The following SMIM28 variants were observed in gnomAD, a reference collection of about 807,000 sequenced individuals.
SMIM28 encodes small integral membrane protein 28.
At position 138,382,667 on chromosome 6, in the gene SMIM28, C is replaced by A; in HGVS notation, c.279C>A (p.His93Gln). 1 of 398,674 alleles carries A rather than the reference C, an allele frequency of 2.5e-6. No individual in the cohort carries two copies. The highest frequency in any genetic ancestry group is 4.4e-6 in the Non-Finnish European group (1 of 226,192). 24.7% of individuals were successfully genotyped at this position (398,674 alleles called of 1,614,324 possible). A position where few individuals can be genotyped will look rare whatever the true frequency, so the allele number is the denominator to read the frequency against. Residue 93 changes from histidine to glutamine, a missense_variant, in exon 2 of 2, where the codon CAC (histidine) becomes CAA (glutamine). Transcript: ENST00000573100. Reference sequence around the variant, plus strand: ...TGTTCAGCATTGACCTACCAGAGCACCCACCTGCAGGAGAGGTGACAGACC... The same window carrying A: ...TGTTCAGCATTGACCTACCAGAGCAACCACCTGCAGGAGAGGTGACAGACC... ...GQVFSIDLPE[H>Q]PPAGEVTDLL...
intron 1 of SMIM28, among the ~76,000 whole-genome samples, chr6:138,380,477 G>A (rs774297779): frequency 2.0e-5 from 3 of 152,224 alleles, no homozygotes; most frequent in Admixed American, 2.0e-4. Flanking sequence ...ATTATAAAAT[G>A]CTGGCTAGGG....
chr6:138,382,670 A>C lies in SMIM28; in HGVS notation c.282A>C (p.Pro94=). ...TCAGCATTGACCTACCAGAGCACCC[A>C]CCTGCAGGAGAGGTGACAGACCTCC... ...QVFSIDLPEH[P]PAGEVTDLLP... is the part of the protein sequence containing the mutation. Residue 94 remains proline, a synonymous_variant, in exon 2 of 2, where the codon CCA becomes CCC. Coordinates refer to ENST00000573100, the MANE Select transcript of SMIM28 (RefSeq NM_001368163.3). The C allele has an allele frequency of 2.5e-6, 1 of 398,552 alleles. No individual in the cohort carries two copies. Among genetic ancestry groups the C allele is most frequent in the Admixed American group, 4.4e-5 (1 of 22,718 alleles). The allele number at this position is 398,552 out of a possible 1,614,324, so 24.7% of individuals were successfully genotyped here.
At chr6:138,378,658 A>G (rs1774282523) in intron 1 of SMIM28, among the ~76,000 whole-genome samples, 1 of 152,196 alleles carries the variant, frequency 6.6e-6, no homozygotes, top group Non-Finnish European at 1.5e-5. Flanking sequence ...GTCTCTCACT[A>G]AGAAATGCAG....
intron 1 of SMIM28, among the ~76,000 whole-genome samples, chr6:138,380,497 G>C (rs1181778310): frequency 6.6e-6 from 1 of 152,222 alleles, no homozygotes. Context: ...GCGGGGCGCA[G>C]TGGCTCATGC....
chr6:138,382,933 C>T lies in SMIM28; in HGVS notation c.*86C>T, dbSNP rs1173691411. 1.3e-5 allele frequency: 5 copies of T among 397,584 alleles called. No individual in the cohort carries two copies. Among genetic ancestry groups the T allele is most frequent in the African/African-American group, 1.0e-4 (5 of 48,580 alleles). 24.6% of individuals were successfully genotyped at this position (397,584 alleles called of 1,614,324 possible). On this transcript the variant is annotated 3_prime_UTR_variant, in exon 2 of 2. Transcript: ENST00000573100. Reference sequence around the variant, plus strand: ...CAGCTCTCCACCTTTAATACAGCACCCATGAGAAGAGGGAGAAGGGCCCCT... The same window carrying T: ...CAGCTCTCCACCTTTAATACAGCACTCATGAGAAGAGGGAGAAGGGCCCCT...
chr6:138,382,286 A>T (rs1309616008), intron 1 of SMIM28, among the ~76,000 whole-genome samples: 1 of 151,736 alleles, frequency 6.6e-6, no homozygotes, highest in Non-Finnish European at 1.5e-5. Flanking sequence ...AATGCCAGCT[A>T]CTCGGGAGGC....
In SMIM28 at chr6:138,382,459, CTTTCCACA is replaced by C. The variant is rs1583091834; in HGVS notation, c.112-35_112-28del. 5.3e-4 allele frequency: 173 copies of C among 327,012 alleles called. No individual in the cohort carries two copies. The East Asian group carries it at 7.8e-3, about 15-fold the overall frequency. The allele number at this position is 327,012 out of a possible 1,614,324, so 20.3% of individuals were successfully genotyped here. On this transcript the variant is annotated intron_variant, in intron 1 of 1. Coordinates refer to ENST00000573100, the MANE Select transcript of SMIM28 (RefSeq NM_001368163.3). ...AAAAAAAAAAGAAATGCGAGGCCTT[CTTTCCACA>C]TTTCCTAACTAGGCTTCCTTCCCTA...
chr6:138,382,873 C>G lies in SMIM28; in HGVS notation c.*26C>G, dbSNP rs1299933835. 1.0e-5 allele frequency: 4 copies of G among 398,350 alleles called. No homozygotes were observed. The highest frequency in any genetic ancestry group is 1.8e-5 in the Non-Finnish European group (4 of 226,052). The allele number at this position is 398,350 out of a possible 1,614,324, so 24.7% of individuals were successfully genotyped here. A position where few individuals can be genotyped will look rare whatever the true frequency, so the allele number is the denominator to read the frequency against. On this transcript the variant is annotated 3_prime_UTR_variant, in exon 2 of 2. Transcript: ENST00000573100. ...AAAGGGCTCACCTGGACTGGAAGAG[C>G]AAAAATAAACTGCTCTTGGGAATCA...
At position 138,378,044 on chromosome 6, in the gene SMIM28, G is replaced by A; in HGVS notation, c.-29G>A. On this transcript the variant is annotated 5_prime_UTR_variant, in exon 1 of 2. Coordinates refer to ENST00000573100, the MANE Select transcript of SMIM28 (RefSeq NM_001368163.3). ...TGAAATCTGGGCAGCAAGGTGGAAGGGTGGCCAGGGCATCAGCTGGATGAA... is the reference window on the plus strand; with the variant it reads ...TGAAATCTGGGCAGCAAGGTGGAAGAGTGGCCAGGGCATCAGCTGGATGAA... The A allele has an allele frequency of 2.5e-6, 1 of 398,834 alleles. No individual in the cohort carries two copies. Among genetic ancestry groups the A allele is most frequent in the East Asian group, 3.6e-5 (1 of 28,082 alleles). 24.7% of individuals were successfully genotyped at this position (398,834 alleles called of 1,614,324 possible).
chr6:138,382,430 G>GAAAAAAAAA (rs59488191), intron 1 of SMIM28, 70 bp from the exon 2 acceptor site: 1 of 260,732 alleles, frequency 3.8e-6, no homozygotes, highest in Non-Finnish European at 6.9e-6. Context: ...AAGAAAGAAA[G>GAAAAAAAAA]AAAAAAAAAA....
In SMIM28 at chr6:138,383,232, C is replaced by T. The variant is rs1220572932; in HGVS notation, c.*385C>T. ...GAAGGGCAAGAAAAAAAACTCTGGACCAGCCAAAGGTAACTACTTTTGCCA... is the reference window on the plus strand; with the variant it reads ...GAAGGGCAAGAAAAAAAACTCTGGATCAGCCAAAGGTAACTACTTTTGCCA... On this transcript the variant is annotated 3_prime_UTR_variant, in exon 2 of 2. Transcript: ENST00000573100. Among the ~76,000 whole-genome samples the T allele has an allele frequency of 1.3e-5, 2 of 151,792 alleles. No homozygotes were observed. The highest frequency in any genetic ancestry group is 2.1e-4 in the South Asian group (1 of 4,814).
At chr6:138,379,164 G>A (rs1476839131) in intron 1 of SMIM28, among the ~76,000 whole-genome samples, 1 of 152,068 alleles carries the variant, frequency 6.6e-6, no homozygotes, top group Non-Finnish European at 1.5e-5. Flanking sequence ...AGCAAATTAA[G>A]GATACTGTAA....
chr6:138,379,912 T>A (rs1473337631), intron 1 of SMIM28, among the ~76,000 whole-genome samples: 1 of 152,154 alleles, frequency 6.6e-6, no homozygotes, highest in Non-Finnish European at 1.5e-5. Context: ...AATTTAACAA[T>A]CGCATACATA....
intron 1 of SMIM28, among the ~76,000 whole-genome samples, chr6:138,379,261 TC>T (rs1774288751): frequency 6.6e-6 from 1 of 152,228 alleles, no homozygotes; most frequent in Non-Finnish European, 1.5e-5. Context: ...ATAAAAGTCT[TC>T]TAATGCCACT....
chr6:138,378,574 A>G (rs947797591), intron 1 of SMIM28, among the ~76,000 whole-genome samples: 1 of 152,176 alleles, frequency 6.6e-6, no homozygotes, highest in Non-Finnish European at 1.5e-5. Context: ...CTGTGTATTA[A>G]CCACTGTTTT....
At chr6:138,379,006 G>A (rs1172116002) in intron 1 of SMIM28, among the ~76,000 whole-genome samples, 1 of 152,002 alleles carries the variant, frequency 6.6e-6, no homozygotes, top group African/African-American at 2.4e-5. Context: ...AATGCCTTTA[G>A]CCAATATAAA....
At position 138,383,059 on chromosome 6, in the gene SMIM28, C is replaced by T; in HGVS notation, c.*212C>T. On this transcript the variant is annotated 3_prime_UTR_variant, in exon 2 of 2. Transcript: ENST00000573100. ...TGCCAATCTGGTTAACCTATCTTCA[C>T]ATTCCTTAGGGGAAAGTTTCCCAGG... 2.7e-6 allele frequency: 1 copy of T among 368,684 alleles called. No individual in the cohort carries two copies. Among genetic ancestry groups the T allele is most frequent in the Middle Eastern group, 6.8e-4 (1 of 1,462 alleles). 22.8% of individuals were successfully genotyped at this position (368,684 alleles called of 1,614,324 possible).
At chr6:138,380,516 C>T (rs1774299018) in intron 1 of SMIM28, among the ~76,000 whole-genome samples, 1 of 152,068 alleles carries the variant, frequency 6.6e-6, no homozygotes, top group African/African-American at 2.4e-5. Flanking sequence ...GCCTGTAATC[C>T]CAGCACTTTG....
intron 1 of SMIM28, among the ~76,000 whole-genome samples, chr6:138,381,749 G>A (rs899346342): frequency 6.6e-6 from 1 of 152,132 alleles, no homozygotes; most frequent in African/African-American, 2.4e-5. Context: ...TTTTGTTCCA[G>A]AATTAAAGAA....
Sources: gnomAD v4.1 joint callset for allele counts (sites outside exome capture counted in the v4.1 genomes callset) on GRCh38, gnomAD v4.1.1 for gene constraint, MANE v1.5 for transcripts, NCBI Gene and HGNC (gene_info 2026-07-23, HGNC 2026-07-21) for gene names.